HADHB: variants seen among roughly 807,000 people sequenced by gnomAD.
HADHB encodes trifunctional enzyme subunit beta, mitochondrial.
Under a neutral mutation model 61.9 loss-of-function variants are expected in HADHB, and 50 were observed. That is an observed-to-expected ratio of 0.81 (90% CI 0.64 to 1.02). The LOEUF (loss-of-function observed/expected upper bound fraction) is 1.02, where lower values mean the gene tolerates loss of function less well. Among genes scored for constraint, HADHB ranks in the 50% least tolerant of loss-of-function variants. The pLI is 0.00. For missense variants in HADHB, 504 were observed against 586.5 expected (o/e 0.86, Z 1.45); for synonymous variants, 191 against 201.6 (o/e 0.95, Z 0.45).
chr2:26,280,161 T>C (rs773970128), intron 10 of HADHB, 46 bp downstream of exon 10: 16 of 1,462,314 alleles, frequency 1.1e-5, no homozygotes, highest in Non-Finnish European at 1.4e-5. Flanking sequence ...TTTCTATTTC[T>C]GTACTCTCTG....
At chr2:26,262,720 A>G (rs1671913693) in intron 3 of HADHB, among the ~76,000 whole-genome samples, 1 of 152,222 alleles carries the variant, frequency 6.6e-6, no homozygotes. Flanking sequence ...AGTGAACAAT[A>G]TCAATCATTG....
intron 10 of HADHB, 22 bp downstream of exon 10, chr2:26,280,137 A>G: frequency 6.3e-7 from 1 of 1,596,294 alleles, no homozygotes; most frequent in East Asian, 2.2e-5. Context: ...TGTTATTTGT[A>G]TTTAGTAGTG....
At chr2:26,278,878 T>A in intron 8 of HADHB, 77 bp downstream of exon 8, 1 of 1,186,430 alleles carries the variant, frequency 8.4e-7, no homozygotes, top group Non-Finnish European at 1.3e-6. Flanking sequence ...TGCTATGCTG[T>A]AATAGGTGTA....
In HADHB at chr2:26,285,466, C is replaced by G; in HGVS notation, c.1284C>G (p.His428Gln). 6.2e-7 allele frequency: 1 copy of G among 1,613,628 alleles called. No homozygotes were observed. Among genetic ancestry groups the G allele is most frequent in the Non-Finnish European group, 8.5e-7 (1 of 1,179,664 alleles). Residue 428 changes from histidine to glutamine, a missense_variant, in exon 15 of 16, where the codon CAC becomes CAG. By Grantham distance (24) the His-to-Gln change is conservative (BLOSUM62 0). Transcript: ENST00000317799. ...NNWGGSLSLGHPFGATGCRLV... is the reference protein window; with the variant it reads ...NNWGGSLSLGQPFGATGCRLV... ...GGGGTGGATCTCTGTCCCTGGGACA[C>G]CCATTTGGAGCCACTGGCTGCAGGT...
intron 1 of HADHB, among the ~76,000 whole-genome samples, chr2:26,249,075 C>T (rs1206647188): frequency 2.6e-5 from 4 of 151,266 alleles, no homozygotes; most frequent in Non-Finnish European, 4.4e-5. Flanking sequence ...AAAAGAAAAT[C>T]ACAACTTTTT....
chr2:26,264,807 C>G (rs1385853161), intron 4 of HADHB, among the ~76,000 whole-genome samples: 3 of 151,754 alleles, frequency 2.0e-5, no homozygotes, highest in Non-Finnish European at 4.4e-5. Context: ...GCCAGGAGTT[C>G]ATGGCAAAAC....
At chr2:26,266,894 A>AAAAAAAAAAAAAAAAAT (rs1672108652) in intron 4 of HADHB, among the ~76,000 whole-genome samples, 2 of 146,812 alleles carry the variant, frequency 1.4e-5, no homozygotes, top group Non-Finnish European at 1.5e-5. Flanking sequence ...AAAAAAAAAA[A>AAAAAAAAAAAAAAAAAT]GGATTGTAAA....
At chr2:26,246,219 A>C (rs1286968944) in intron 1 of HADHB, among the ~76,000 whole-genome samples, 1 of 152,192 alleles carries the variant, frequency 6.6e-6, no homozygotes, top group Non-Finnish European at 1.5e-5. Flanking sequence ...TGTAACACTT[A>C]TTATTTAGGT....
chr2:26,290,026 A>G lies in HADHB; in HGVS notation c.*73A>G. Reference sequence around the variant, plus strand: ...GGCAATGCCATTTCAATGCATTACTAAATGACATTTGTAGTTCCTAGCTCC... The same window carrying G: ...GGCAATGCCATTTCAATGCATTACTGAATGACATTTGTAGTTCCTAGCTCC... On this transcript the variant is annotated 3_prime_UTR_variant, in exon 16 of 16. Transcript: ENST00000317799. 1.0e-6 allele frequency: 1 copy of G among 983,356 alleles called. No homozygotes were observed. Among genetic ancestry groups the G allele is most frequent in the African/African-American group, 1.6e-5 (1 of 63,082 alleles). 60.9% of individuals were successfully genotyped at this position (983,356 alleles called of 1,614,324 possible). A position where few individuals can be genotyped will look rare whatever the true frequency, so the allele number is the denominator to read the frequency against.
intron 3 of HADHB, among the ~76,000 whole-genome samples, chr2:26,257,036 A>C (rs1261539887): frequency 6.6e-6 from 1 of 151,796 alleles, no homozygotes; most frequent in Non-Finnish European, 1.5e-5. Flanking sequence ...TTTATTTATA[A>C]GTGTTGAAAG....
rs1397799143 is a variant in HADHB, at chr2:26,263,998, C to T, written c.209+519C>T. On this transcript the variant is annotated intron_variant, in intron 4 of 15. Transcript: ENST00000317799. The stretch of plus-strand genomic sequence containing the variant: ...AATTCCCTAGATCCAAATTGCTCTT[C>T]TCCTTGGCCTTTTGTGCTTCTTTTC... Among the ~76,000 whole-genome samples the T allele has an allele frequency of 7.9e-5, 12 of 152,142 alleles. No homozygotes were observed. In the East Asian group the frequency reaches 2.1e-3, roughly 27 times the overall value.
At chr2:26,253,649 C>T (rs570954746) in intron 1 of HADHB, among the ~76,000 whole-genome samples, 263 of 151,978 alleles carry the variant, frequency 1.7e-3, no homozygotes, top group Non-Finnish European at 2.8e-3. Flanking sequence ...GTCAGGAGTT[C>T]GACACCAGCC....
intron 13 of HADHB, 82 bp from the exon 14 acceptor site, chr2:26,284,801 T>A (rs1419152987): frequency 4.8e-6 from 4 of 833,410 alleles, no homozygotes; most frequent in Non-Finnish European, 8.5e-6. Context: ...CTAAAGTTGT[T>A]AAACTTTCAC....
At chr2:26,247,037 A>G (rs1328062734) in intron 1 of HADHB, among the ~76,000 whole-genome samples, 2 of 152,378 alleles carry the variant, frequency 1.3e-5, no homozygotes, top group South Asian at 2.1e-4. Flanking sequence ...GGATTTGGAC[A>G]TAGTCTGGCT....
intron 6 of HADHB, among the ~76,000 whole-genome samples, chr2:26,276,074 T>C (rs2147822274): frequency 6.6e-6 from 1 of 152,270 alleles, no homozygotes; most frequent in African/African-American, 2.4e-5. Flanking sequence ...AAATAAGTAT[T>C]TTATAATTGC....
At chr2:26,276,123 C>T (rs1257624174) in intron 6 of HADHB, among the ~76,000 whole-genome samples, 1 of 152,124 alleles carries the variant, frequency 6.6e-6, no homozygotes, top group Non-Finnish European at 1.5e-5. Context: ...AAAATGGAAT[C>T]AGACGTTGAT....
chr2:26,264,553 CAAAA>C (rs34189488), intron 4 of HADHB, among the ~76,000 whole-genome samples: 58 of 73,726 alleles, frequency 7.9e-4, no homozygotes, highest in African/African-American at 2.9e-3. Flanking sequence ...GACTCCATCT[CAAAA>C]AAAAAAAAAA....
chr2:26,249,995 T>C (rs1004956371), intron 1 of HADHB, among the ~76,000 whole-genome samples: 1 of 151,992 alleles, frequency 6.6e-6, no homozygotes, highest in African/African-American at 2.4e-5. Flanking sequence ...TGATAGATTG[T>C]TTCTGTTTTT....
chr2:26,259,480 TA>T (rs1390279033), intron 3 of HADHB, among the ~76,000 whole-genome samples: 1 of 152,144 alleles, frequency 6.6e-6, no homozygotes, highest in African/African-American at 2.4e-5. Flanking sequence ...TAAGCTAGTT[TA>T]AGATACGTTC....
Sources: allele counts gnomAD v4.1 joint callset (sites outside exome capture counted in the v4.1 genomes callset), GRCh38; gene constraint gnomAD v4.1.1; transcripts MANE v1.5; gene names NCBI Gene and HGNC (gene_info 2026-07-23, HGNC 2026-07-21).